WDPCP: variants seen among roughly 807,000 people sequenced by gnomAD.
WDPCP encodes the protein WD repeat-containing and planar cell polarity effector protein fritz homolog.
A neutral mutation model predicts 93.1 loss-of-function variants in WDPCP; 71 were observed. The observed-to-expected ratio is 0.76, with a 90% CI of 0.63 to 0.93. The LOEUF is 0.93. Ranked by LOEUF, WDPCP falls within the 40% of genes least tolerant of loss-of-function variation. The pLI, the probability that WDPCP is intolerant of heterozygous loss-of-function variation, is 0.00. For missense variants in WDPCP, 844 were observed against 887.4 expected, an observed-to-expected ratio of 0.95 and a Z score of 0.62; for synonymous variants, 315 against 315.0, an observed-to-expected ratio of 1.00 and a Z score of 0.00.
At chr2:63,401,792 G>C (rs1694173097) in intron 10 of WDPCP, among the ~76,000 whole-genome samples, 1 of 152,056 alleles carries the variant, frequency 6.6e-6, no homozygotes, top group African/African-American at 2.4e-5. Flanking sequence ...GTGACAGAGT[G>C]AGACTGTGTC....
intron 2 of WDPCP, among the ~76,000 whole-genome samples, chr2:63,662,758 A>G (rs770452785): frequency 6.6e-6 from 1 of 152,196 alleles, no homozygotes; most frequent in Non-Finnish European, 1.5e-5. Flanking sequence ...TCTCCAGAAC[A>G]GTACTATATC....
intron 14 of WDPCP, among the ~76,000 whole-genome samples, chr2:63,239,588 A>G (rs145999373): frequency 6.6e-6 from 1 of 152,352 alleles, no homozygotes; most frequent in African/African-American, 2.4e-5. Flanking sequence ...CAGAATTGAT[A>G]TAAATTCTGA....
chr2:63,145,692 G>T (rs535752769), intron 17 of WDPCP, among the ~76,000 whole-genome samples: 1 of 152,210 alleles, frequency 6.6e-6, no homozygotes, highest in East Asian at 1.9e-4. Context: ...CCTCCCAGCT[G>T]CAAAAGAAAA....
At chr2:63,632,378 A>C (rs949183128) in intron 3 of WDPCP, among the ~76,000 whole-genome samples, 6 of 152,242 alleles carry the variant, frequency 3.9e-5, no homozygotes, top group African/African-American at 1.4e-4. Flanking sequence ...ATGCCAAAGA[A>C]ATAAAGACCT....
At chr2:63,402,743 C>A (rs1269805150) in intron 10 of WDPCP, among the ~76,000 whole-genome samples, 1 of 151,948 alleles carries the variant, frequency 6.6e-6, no homozygotes, top group Non-Finnish European at 1.5e-5. Context: ...CCCAGGTCCA[C>A]AAAGAATGGC....
intron 10 of WDPCP, among the ~76,000 whole-genome samples, chr2:63,399,376 G>GCCCT (rs1324582877): frequency 6.6e-6 from 1 of 152,014 alleles, no homozygotes; most frequent in Non-Finnish European, 1.5e-5. Context: ...TTAGCAGGAA[G>GCCCT]CCCTCTAAAT....
chr2:63,387,011 G>A (rs1225272276), intron 10 of WDPCP, among the ~76,000 whole-genome samples: 4 of 151,920 alleles, frequency 2.6e-5, no homozygotes, highest in South Asian at 2.1e-4. Flanking sequence ...CCTACCATCA[G>A]AAAAAGCTTA....
At chr2:63,355,322 A>T (rs1689939345) in intron 12 of WDPCP, among the ~76,000 whole-genome samples, 1 of 152,204 alleles carries the variant, frequency 6.6e-6, no homozygotes, top group Non-Finnish European at 1.5e-5. Context: ...TCTTCAAACA[A>T]GAATTGAAAT....
chr2:63,134,592 A>G (rs1670494502), intron 17 of WDPCP, among the ~76,000 whole-genome samples: 1 of 152,216 alleles, frequency 6.6e-6, no homozygotes, highest in Admixed American at 6.5e-5. Context: ...GGTGTTTTTA[A>G]TATGAAATTC....
chr2:63,792,882 G>C (rs1352752530), intron 2 of WDPCP, among the ~76,000 whole-genome samples: 1 of 151,586 alleles, frequency 6.6e-6, no homozygotes. Flanking sequence ...CACTCCAAAG[G>C]CCTCATGAAT....
chr2:63,552,161 C>T (rs1705722616), intron 1 of WDPCP, among the ~76,000 whole-genome samples: 1 of 146,554 alleles, frequency 6.8e-6, no homozygotes, highest in South Asian at 2.2e-4. Flanking sequence ...TTATAGTACC[C>T]AAAAAAAGTT....
At chr2:63,508,460 A>C (rs1443822230) in intron 1 of WDPCP, among the ~76,000 whole-genome samples, 2 of 152,206 alleles carry the variant, frequency 1.3e-5, no homozygotes, top group Non-Finnish European at 2.9e-5. Context: ...AGGAAAAACC[A>C]GTACCAGCCA....
chr2:63,311,660 A>G (rs1686198265), intron 13 of WDPCP, among the ~76,000 whole-genome samples: 1 of 152,196 alleles, frequency 6.6e-6, no homozygotes, highest in Non-Finnish European at 1.5e-5. Context: ...CTATCAGTAG[A>G]AAGGCTACTG....
intron 2 of WDPCP, among the ~76,000 whole-genome samples, chr2:63,777,599 C>T (rs530753314): frequency 6.6e-6 from 1 of 152,240 alleles, no homozygotes; most frequent in African/African-American, 2.4e-5. Flanking sequence ...AAGGAATAAA[C>T]TGTTGATACA....
chr2:63,221,498 C>A (rs908067521), intron 14 of WDPCP, among the ~76,000 whole-genome samples: 1 of 152,114 alleles, frequency 6.6e-6, no homozygotes, highest in Non-Finnish European at 1.5e-5. Flanking sequence ...AAAGGTCATC[C>A]TTGAGAGGAC....
At chr2:63,369,688 A>G (rs554924562) in intron 12 of WDPCP, among the ~76,000 whole-genome samples, 19 of 152,288 alleles carry the variant, frequency 1.2e-4, no homozygotes, top group Non-Finnish European at 2.2e-4. Flanking sequence ...TATCTGTACA[A>G]TGAATCCAGT....
At chr2:63,253,684 G>T (rs543902732) in intron 14 of WDPCP, among the ~76,000 whole-genome samples, 1 of 152,234 alleles carries the variant, frequency 6.6e-6, no homozygotes, top group South Asian at 2.1e-4. Context: ...AAACCACAAT[G>T]AGATACCATC....
At chr2:63,588,644 C>G, upstream of WDPCP, 1 of 487,098 alleles carries the variant, frequency 2.1e-6, no homozygotes, top group African/African-American at 1.9e-5. Context: ...GGTGATTCTC[C>G]CCTCCCTAGA....
chr2:63,789,641 G>A (rs553567179), intron 2 of WDPCP, among the ~76,000 whole-genome samples: 9 of 152,294 alleles, frequency 5.9e-5, no homozygotes, highest in East Asian at 1.9e-4. Context: ...AGACTGTCAC[G>A]TTGTTTTACA....
Sources: gnomAD v4.1 joint callset for allele counts (sites outside exome capture counted in the v4.1 genomes callset) on GRCh38, gnomAD v4.1.1 for gene constraint, MANE v1.5 for transcripts, NCBI Gene and HGNC (gene_info 2026-07-23, HGNC 2026-07-21) for gene names.